The following CCNB1IP1 variants were observed in gnomAD, a reference collection of about 807,000 sequenced individuals.
The protein encoded by CCNB1IP1 is E3 ubiquitin-protein ligase CCNB1IP1.
A neutral mutation model predicts 25.6 loss-of-function variants in CCNB1IP1; 14 were observed. The observed-to-expected ratio is 0.55, with a 90% CI of 0.36 to 0.85. The LOEUF (loss-of-function observed/expected upper bound fraction) is 0.85, where lower values mean the gene tolerates loss of function less well. Ranked by LOEUF, CCNB1IP1 falls within the 40% of genes least tolerant of loss-of-function variation. The pLI is 0.01. For synonymous variants in CCNB1IP1, 119 were observed against 116.1 expected (o/e 1.02, Z -0.16); for missense variants, 278 against 342.4 (o/e 0.81, Z 1.48).
At chr14:20,317,698 G>C (rs561506255) in intron 4 of CCNB1IP1, 13 of 152,224 alleles carry the variant, frequency 8.5e-5, no homozygotes, top group Admixed American at 2.6e-4. Flanking sequence ...TGAGGGGCAA[G>C]TTTTAGAGAA....
At chr14:20,328,895 C>T in intron 2 of CCNB1IP1, among the ~76,000 whole-genome samples, 1 of 152,200 alleles carries the variant, frequency 6.6e-6, no homozygotes, top group East Asian at 1.9e-4. Context: ...GCTCCATAAA[C>T]AATCAATGAT....
chr14:20,323,590 G>T (rs1308795999), intron 4 of CCNB1IP1, among the ~76,000 whole-genome samples: 1 of 148,406 alleles, frequency 6.7e-6, no homozygotes, highest in Non-Finnish European at 1.5e-5. Flanking sequence ...AAAAAAAAAT[G>T]AAGACATCAA....
intron 2 of CCNB1IP1, among the ~76,000 whole-genome samples, chr14:20,328,647 G>GAACAGA (rs1883149481): frequency 6.6e-6 from 1 of 151,904 alleles, no homozygotes; most frequent in Non-Finnish European, 1.5e-5. Context: ...ATAATTATAG[G>GAACAGA]TTGAAAGGAA....
In CCNB1IP1 at chr14:20,311,759, C is replaced by T. The variant is rs764985725; in HGVS notation, c.632-7G>A. 1.2e-6 allele frequency: 2 copies of T among 1,605,192 alleles called. No individual in the cohort carries two copies. Among genetic ancestry groups the T allele is most frequent in the South Asian group, 2.2e-5 (2 of 90,242 alleles). ...GGAAACTTGGAGTTGTTACCTAGGG[C>T]AGAAAAAAAGGAAAAACATAATTTT... On this transcript the variant is annotated splice_region_variant and splice_polypyrimidine_tract_variant and intron_variant, in intron 6 of 6. Coordinates refer to ENST00000358932, the MANE Select transcript of CCNB1IP1 (RefSeq NM_021178.5).
intron 6 of CCNB1IP1, among the ~76,000 whole-genome samples, chr14:20,312,869 T>A (rs1381943361): frequency 6.6e-6 from 1 of 151,774 alleles, no homozygotes; most frequent in Non-Finnish European, 1.5e-5. Context: ...TTGCTAAATA[T>A]TTGATAAATG....
chr14:20,322,500 C>T (rs184389089), intron 4 of CCNB1IP1, among the ~76,000 whole-genome samples: 2 of 152,062 alleles, frequency 1.3e-5, no homozygotes, highest in South Asian at 2.1e-4. Flanking sequence ...CTTTCCTTTG[C>T]CACCTCTTAC....
chr14:20,325,365 G>A (rs2138867865), intron 4 of CCNB1IP1, among the ~76,000 whole-genome samples, 174 bp downstream of exon 4: 1 of 148,970 alleles, frequency 6.7e-6, no homozygotes, highest in African/African-American at 2.5e-5. Flanking sequence ...AGCTTGCAGT[G>A]AGCCGAGATC....
intron 4 of CCNB1IP1, among the ~76,000 whole-genome samples, chr14:20,319,704 A>G (rs542765836): frequency 1.3e-5 from 2 of 152,342 alleles, no homozygotes; most frequent in South Asian, 2.1e-4. Flanking sequence ...CAATACTGCA[A>G]TGAACATTCT....
chr14:20,316,649 T>A (rs1882708625), intron 4 of CCNB1IP1, 89 bp from the exon 5 acceptor site: 1 of 651,118 alleles, frequency 1.5e-6, no homozygotes, highest in Non-Finnish European at 2.6e-6. Flanking sequence ...GTTTTTATCA[T>A]AAAATACTGC....
chr14:20,325,117 C>T (rs1300548193), intron 4 of CCNB1IP1, among the ~76,000 whole-genome samples: 1 of 150,002 alleles, frequency 6.7e-6, no homozygotes, highest in Non-Finnish European at 1.5e-5. Flanking sequence ...CTGGCCTCAA[C>T]TGACTTTTAA....
At chr14:20,323,744 G>A (rs1290993215) in intron 4 of CCNB1IP1, among the ~76,000 whole-genome samples, 9 of 151,320 alleles carry the variant, frequency 5.9e-5, no homozygotes, top group African/African-American at 1.5e-4. Context: ...GTGAAACCCC[G>A]TCTCTACTAA....
chr14:20,317,332 G>A (rs1424529866), intron 4 of CCNB1IP1, among the ~76,000 whole-genome samples: 2 of 152,144 alleles, frequency 1.3e-5, no homozygotes, highest in African/African-American at 4.8e-5. Context: ...TTTGAACCCG[G>A]GAGGCGGAGC....
At chr14:20,316,970 G>A (rs1036464046) in intron 4 of CCNB1IP1, among the ~76,000 whole-genome samples, 2 of 152,086 alleles carry the variant, frequency 1.3e-5, no homozygotes, top group Admixed American at 6.6e-5. Context: ...TTAGCCAGGC[G>A]TGGTGATTCA....
chr14:20,321,642 G>A (rs569210876), intron 4 of CCNB1IP1, among the ~76,000 whole-genome samples: 12 of 152,138 alleles, frequency 7.9e-5, no homozygotes, highest in South Asian at 4.1e-4. Context: ...TAGTAGAGAC[G>A]GGGTTTCACC....
chr14:20,314,095 A>T (rs1302321737), intron 5 of CCNB1IP1: 1 of 244,252 alleles, frequency 4.1e-6, no homozygotes, highest in Non-Finnish European at 7.8e-6. Context: ...AAGGTTTTTA[A>T]GAAATATAAT....
chr14:20,312,530 C>T (rs1375970478), intron 6 of CCNB1IP1, among the ~76,000 whole-genome samples: 1 of 151,866 alleles, frequency 6.6e-6, no homozygotes, highest in East Asian at 1.9e-4. Context: ...ATCAGCTCCT[C>T]CCCTATTAAA....
At chr14:20,330,598 CT>C (rs35031847) in intron 1 of CCNB1IP1, 81 of 147,052 alleles carry the variant, frequency 5.5e-4, no homozygotes, top group Middle Eastern at 3.4e-3. Flanking sequence ...ATATTGTGTC[CT>C]TTTTTTTTTT....
Position 20,316,323 on chromosome 14 carries a change from A to T in CCNB1IP1, c.201T>A (p.Ser67Arg). ...GKLDIVRTEL[S>R]PSEEYKAMVL... ...CCATAGCTTTATATTCCTCTGATGG[A>T]CTGAGTTCTGTGCGGACAATATCTA... is the stretch of plus-strand genomic sequence containing the variant. Residue 67 changes from serine to arginine, a missense_variant, in exon 5 of 7, where the codon AGT becomes AGA. Ser to Arg is a moderately radical substitution (Grantham distance 110). Transcript: ENST00000358932. The T allele has an allele frequency of 6.2e-7, 1 of 1,613,948 alleles. No homozygotes were observed.
intron 1 of CCNB1IP1, among the ~76,000 whole-genome samples, chr14:20,332,019 T>TG (rs1566408000): frequency 1.6e-5 from 1 of 63,106 alleles, no homozygotes; most frequent in Non-Finnish European, 3.1e-5. Flanking sequence ...TATATATATA[T>TG]ATATATATTT....
Sources: allele counts gnomAD v4.1 joint callset (sites outside exome capture counted in the v4.1 genomes callset), GRCh38; gene constraint gnomAD v4.1.1; transcripts MANE v1.5; gene names NCBI Gene and HGNC (gene_info 2026-07-23, HGNC 2026-07-21).